Variants in FNBP4 observed in about 807,000 individuals in gnomAD.
FNBP4 encodes formin-binding protein 4.
In FNBP4, 34 loss-of-function variants were observed where a neutral mutation model predicts 119.3. That is an observed-to-expected ratio of 0.28 (90% CI 0.22 to 0.38). The LOEUF is 0.38. Among genes scored for constraint, FNBP4 ranks in the 10% least tolerant of loss-of-function variants. The pLI is 1.00. For missense variants in FNBP4, 1,112 were observed against 1,228.9 expected (o/e 0.90, Z 1.42); for synonymous variants, 462 against 430.6 (o/e 1.07, Z -0.90).
intron 16 of FNBP4, among the ~76,000 whole-genome samples, chr11:47,717,874 C>A (rs1278300003): frequency 6.6e-6 from 1 of 150,916 alleles, no homozygotes; most frequent in African/African-American, 2.4e-5. Context: ...TCAGCCTCCC[C>A]TCAGAGTAGC....
chr11:47,719,921 T>C lies in FNBP4; in HGVS notation c.2963+8A>G. The C allele has an allele frequency of 6.2e-7, 1 of 1,613,502 alleles. No homozygotes were observed. Among genetic ancestry groups the C allele is most frequent in the Non-Finnish European group, 8.5e-7 (1 of 1,179,724 alleles). On this transcript the variant is annotated splice_region_variant and intron_variant, in intron 16 of 16. Coordinates refer to ENST00000263773, the MANE Select transcript of FNBP4 (RefSeq NM_015308.5). The stretch of plus-strand genomic sequence containing the variant: ...ACCCCATCTCATCTGTGTTTCCTTT[T>C]CTTTTACCTAACCAGCTGCTGCTGT...
chr11:47,740,902 TGTGTGTGATGGA>T (rs1365069042), intron 8 of FNBP4, among the ~76,000 whole-genome samples: 6 of 150,492 alleles, frequency 4.0e-5, no homozygotes, highest in African/African-American at 1.5e-4. Context: ...ATTTTTTTTG[TGTGTGTGATGGA>T]GTCTCATTCT....
At chr11:47,737,270 T>C (rs534633801) in intron 8 of FNBP4, among the ~76,000 whole-genome samples, 1 of 152,286 alleles carries the variant, frequency 6.6e-6, no homozygotes, top group African/African-American at 2.4e-5. Flanking sequence ...TACTTTAGCC[T>C]ATCAAATTAC....
chr11:47,749,117 A>AAACG (rs2097596661), intron 6 of FNBP4, among the ~76,000 whole-genome samples: 1 of 151,878 alleles, frequency 6.6e-6, no homozygotes, highest in African/African-American at 2.4e-5. Context: ...ACAAACAAAC[A>AAACG]AACAAACAAA....
chr11:47,726,644 C>G (rs901657474), intron 12 of FNBP4: 1 of 152,064 alleles, frequency 6.6e-6, no homozygotes, highest in African/African-American at 2.4e-5. Flanking sequence ...TAAATGACCT[C>G]AAATGACTCA....
intron 2 of FNBP4, among the ~76,000 whole-genome samples, chr11:47,755,141 T>TAA (rs35333558): frequency 3.3e-5 from 4 of 122,748 alleles, no homozygotes; most frequent in African/African-American, 3.2e-5. Context: ...CTCCGGGGGT[T>TAA]AAAAAAAAAA....
chr11:47,746,332 T>C lies in FNBP4; in HGVS notation c.969A>G (p.Ala323=), dbSNP rs1204209851. The change falls in exon 7 of 17, where the codon GCA becomes GCG. Residue 323 remains alanine (A), a synonymous_variant. Coordinates refer to ENST00000263773, the MANE Select transcript of FNBP4 (RefSeq NM_015308.5). ...NSEEEKKGVA[A]SLLAPLLPEG... ...CAGGCAATAAAGGAGCAAGCAGCGA[T>C]GCTGCCACCCCTTTCTTCTCCTCCT... is the stretch of plus-strand genomic sequence containing the variant. The C allele has an allele frequency of 1.9e-6, 3 of 1,614,074 alleles. No homozygotes were observed. The highest frequency in any genetic ancestry group is 2.5e-6 in the Non-Finnish European group (3 of 1,180,026).
intron 6 of FNBP4, among the ~76,000 whole-genome samples, chr11:47,748,039 G>C (rs981070078): frequency 5.3e-5 from 8 of 151,772 alleles, no homozygotes; most frequent in African/African-American, 1.9e-4. Flanking sequence ...TCAGGAGTTC[G>C]AGATCAGCCT....
chr11:47,749,610 T>C (rs1275175363), intron 6 of FNBP4, among the ~76,000 whole-genome samples: 2 of 152,076 alleles, frequency 1.3e-5, no homozygotes, highest in East Asian at 1.9e-4. Context: ...GTCTTTAAAA[T>C]TGAAGATAAA....
chr11:47,739,956 T>TG (rs746034626), intron 8 of FNBP4, among the ~76,000 whole-genome samples: 3 of 150,622 alleles, frequency 2.0e-5, no homozygotes, highest in Admixed American at 6.6e-5. Flanking sequence ...TTTTATGTAT[T>TG]TTTGTTTGTT....
At chr11:47,740,862 T>C (rs936882779) in intron 8 of FNBP4, among the ~76,000 whole-genome samples, 1 of 150,976 alleles carries the variant, frequency 6.6e-6, no homozygotes, top group African/African-American at 2.5e-5. Context: ...AGTGCTGGGA[T>C]TACAGGCATG....
intron 12 of FNBP4, chr11:47,726,441 C>T (rs2097561107): frequency 7.3e-6 from 1 of 137,508 alleles, no homozygotes; most frequent in Non-Finnish European, 1.5e-5. Flanking sequence ...AAGAGACAGT[C>T]TCACTATGTT....
At chr11:47,736,854 T>G in intron 8 of FNBP4, 114 bp from the exon 9 acceptor site, 1 of 993,254 alleles carries the variant, frequency 1.0e-6, no homozygotes, top group Non-Finnish European at 1.5e-6. Flanking sequence ...CTCTCTTGCC[T>G]GTTTTACTTA....
intron 8 of FNBP4, among the ~76,000 whole-genome samples, chr11:47,743,533 T>G (rs1276159665): frequency 6.6e-6 from 1 of 152,080 alleles, no homozygotes; most frequent in Non-Finnish European, 1.5e-5. Context: ...GATTAAAATA[T>G]TAGCTTCATC....
chr11:47,754,155 C>T (rs768559316), intron 3 of FNBP4, among the ~76,000 whole-genome samples: 3 of 149,834 alleles, frequency 2.0e-5, no homozygotes, highest in Admixed American at 6.8e-5. Flanking sequence ...TGCGGTGAGG[C>T]GAGATCGTAC....
At position 47,717,350 on chromosome 11, in the gene FNBP4, A is replaced by G. The variant is rs760643024; in HGVS notation, c.*72T>C. ...CATAACATTTATAGTTTATTTGACA[A>G]TAAAACTGGTTAAGACTTTGAACTG... On this transcript the variant is annotated 3_prime_UTR_variant, in exon 17 of 17. Transcript: ENST00000263773. 4.8e-6 allele frequency: 5 copies of G among 1,041,146 alleles called. No individual in the cohort carries two copies. The Admixed American group carries it at 8.4e-5, about 18-fold the overall frequency. 64.5% of individuals were successfully genotyped at this position (1,041,146 alleles called of 1,614,324 possible).
chr11:47,767,080 G>C lies in FNBP4; in HGVS notation c.209C>G (p.Ser70Trp). 1 of 1,531,006 alleles carries C rather than the reference G, an allele frequency of 6.5e-7. No homozygotes were observed. Among genetic ancestry groups the C allele is most frequent in the Non-Finnish European group, 8.7e-7 (1 of 1,145,376 alleles). 94.8% of individuals were successfully genotyped at this position (1,531,006 alleles called of 1,614,324 possible). The part of the protein sequence containing the change: ...AVTAAAASDD[S>W]PSEDEQEAVQ... ...CCGCGCACCCTTGCCTTCTGAAGGCGAGTCGTCCGAGGCCGCGGCGGCAGT... is the reference window on the plus strand; with the variant it reads ...CCGCGCACCCTTGCCTTCTGAAGGCCAGTCGTCCGAGGCCGCGGCGGCAGT... Residue 70 changes from serine to tryptophan, a missense_variant, in exon 1 of 17, where the codon TCG (serine) becomes TGG (tryptophan). By Grantham distance (177) the Ser-to-Trp change is radical (BLOSUM62 -3). Around this residue, in one of 2 missense-constraint regions of FNBP4, gnomAD observed 286 missense variants for 240.1 expected, o/e 1.19. Coordinates refer to ENST00000263773, the MANE Select transcript of FNBP4 (RefSeq NM_015308.5).
Position 47,767,115 on chromosome 11 carries a change from G to A in FNBP4, c.174C>T (p.Thr58=), listed in dbSNP as rs1297555794. The change falls in exon 1 of 17, where the codon ACC becomes ACT. Residue 58 remains threonine (T), a synonymous_variant. Coordinates refer to ENST00000263773, the MANE Select transcript of FNBP4 (RefSeq NM_015308.5). ...QPAPSAATTT[T]TAVTAAAASD... Reference sequence around the variant, plus strand: ...AGGCCGCGGCGGCAGTCACCGCGGTGGTGGTGGTCGTCGCCGCCGACGGGG... The same window carrying A: ...AGGCCGCGGCGGCAGTCACCGCGGTAGTGGTGGTCGTCGCCGCCGACGGGG... 1 of 519,572 alleles carries A rather than the reference G, an allele frequency of 1.9e-6. No homozygotes were observed. The highest frequency in any genetic ancestry group is 2.8e-6 in the Non-Finnish European group (1 of 351,960). 32.2% of individuals were successfully genotyped at this position (519,572 alleles called of 1,614,324 possible). A position where few individuals can be genotyped will look rare whatever the true frequency, so the allele number is the denominator to read the frequency against.
chr11:47,736,282 C>A (rs1206259267), intron 9 of FNBP4, among the ~76,000 whole-genome samples: 4 of 144,942 alleles, frequency 2.8e-5, no homozygotes, highest in Admixed American at 2.1e-4. Flanking sequence ...GCGGGCCGGG[C>A]GCAGTGGCTG....
Sources: allele counts gnomAD v4.1 joint callset (sites outside exome capture counted in the v4.1 genomes callset), GRCh38; gene constraint gnomAD v4.1.1; regional missense constraint gnomAD v4.1.1; transcripts MANE v1.5; gene names NCBI Gene and HGNC (gene_info 2026-07-23, HGNC 2026-07-21).